TLL1: variants seen among roughly 807,000 people sequenced by gnomAD.
TLL1 encodes the protein tolloid like 1.
In TLL1, 49 loss-of-function variants were observed where a neutral mutation model predicts 128.2. That is an observed-to-expected ratio of 0.38 (90% confidence interval 0.30 to 0.48). TLL1 has a LOEUF of 0.48. Ranked by LOEUF, TLL1 falls within the 20% of genes least tolerant of loss-of-function variation. TLL1 has a pLI of 0.96. For missense variants in TLL1, 1,123 were observed against 1,242.0 expected, an observed-to-expected ratio of 0.90 and a Z score of 1.44; for synonymous variants, 454 against 418.8, an observed-to-expected ratio of 1.08 and a Z score of -1.03.
chr4:165,939,909 T>A (rs1388651683), intron 1 of TLL1, among the ~76,000 whole-genome samples: 1 of 152,046 alleles, frequency 6.6e-6, no homozygotes, highest in East Asian at 1.9e-4. Flanking sequence ...TTTGTAGCAT[T>A]CGACACACGT....
chr4:166,052,965 G>GTGTGTATATATATATATATA lies in TLL1; in HGVS notation c.1525-2110_1525-2109insGTGTATATATATATATATAT. 1.5e-4 allele frequency among the ~76,000 whole-genome samples: 15 copies of GTGTGTATATATATATATATA among 99,646 alleles called. 1 individual carries two copies. Among genetic ancestry groups the GTGTGTATATATATATATATA allele is most frequent in the East Asian group, 3.1e-4 (1 of 3,196 alleles). 65.4% of individuals were successfully genotyped at this position (99,646 alleles called of 152,430 possible). A position where few individuals can be genotyped will look rare whatever the true frequency, so the allele number is the denominator to read the frequency against. On this transcript the variant is annotated intron_variant, in intron 12 of 20. Transcript: ENST00000061240. ...TAAAGACTGAGATAAGAGGTTATGT[G>GTGTGTATATATATATATATA]TATATATATATATATATTTGGCCAA...
intron 5 of TLL1, among the ~76,000 whole-genome samples, chr4:165,997,527 G>C (rs577678810): frequency 6.6e-6 from 1 of 152,192 alleles, no homozygotes; most frequent in African/African-American, 2.4e-5. Context: ...GGTAACTCTT[G>C]CGATTTTTTA....
At chr4:166,064,388 C>T (rs1444167201) in intron 15 of TLL1, among the ~76,000 whole-genome samples, 1 of 152,002 alleles carries the variant, frequency 6.6e-6, no homozygotes, top group Non-Finnish European at 1.5e-5. Context: ...GGTCTGCATT[C>T]AGGAGAAAGC....
chr4:166,011,810 C>T (rs996468776), intron 7 of TLL1, among the ~76,000 whole-genome samples: 1 of 151,342 alleles, frequency 6.6e-6, no homozygotes, highest in African/African-American at 2.4e-5. Flanking sequence ...TAGCTTCCTC[C>T]TATTCCTAGA....
At chr4:165,884,346 C>G (rs1387025887) in intron 1 of TLL1, among the ~76,000 whole-genome samples, 1 of 152,112 alleles carries the variant, frequency 6.6e-6, no homozygotes, top group African/African-American at 2.4e-5. Flanking sequence ...TTTTTCTTTA[C>G]TCAAGATAAA....
chr4:166,096,209 G>GT (rs1742009930), intron 19 of TLL1, among the ~76,000 whole-genome samples: 1 of 133,306 alleles, frequency 7.5e-6, no homozygotes, highest in Non-Finnish European at 1.6e-5. Flanking sequence ...ATTCTGTCAT[G>GT]GGTGTGTGTG....
At chr4:166,065,992 C>A in intron 16 of TLL1, 129 bp downstream of exon 16, 1 of 181,172 alleles carries the variant, frequency 5.5e-6, no homozygotes. Flanking sequence ...TTACAAACAA[C>A]ACAAAAATAA....
At chr4:166,044,134 A>G (rs1739358283) in intron 12 of TLL1, among the ~76,000 whole-genome samples, 1 of 152,146 alleles carries the variant, frequency 6.6e-6, no homozygotes, top group African/African-American at 2.4e-5. Flanking sequence ...AGTAATTGAG[A>G]GCCCAAGCTG....
Position 166,099,465 on chromosome 4 carries a change from G to T in TLL1, c.2845G>T (p.Val949Leu). 6.2e-7 allele frequency: 1 copy of T among 1,613,462 alleles called. No homozygotes were observed. The highest frequency in any genetic ancestry group is 8.5e-7 in the Non-Finnish European group (1 of 1,179,624). ...EEEADCGYDY[V>L]ELFDGLDSTA... is the part of the protein sequence containing the mutation. ...AGAAGCAGACTGTGGCTATGACTATGTGGAGCTCTTTGATGGTCTTGATTC... is the reference window on the plus strand; with the variant it reads ...AGAAGCAGACTGTGGCTATGACTATTTGGAGCTCTTTGATGGTCTTGATTC... Residue 949 changes from valine (V) to leucine (L), a missense_variant, in exon 20 of 21, where the codon GTG becomes TTG. Around this residue, in one of 3 missense-constraint regions of TLL1, gnomAD observed 634 missense variants for 672.4 expected, o/e 0.94. Coordinates refer to ENST00000061240, the MANE Select transcript of TLL1 (RefSeq NM_012464.5).
intron 1 of TLL1, among the ~76,000 whole-genome samples, chr4:165,979,853 TG>T (rs1736068686): frequency 6.6e-6 from 1 of 152,176 alleles, no homozygotes; most frequent in African/African-American, 2.4e-5. Context: ...TTCAGATTTT[TG>T]CAAAACTCCG....
intron 5 of TLL1, among the ~76,000 whole-genome samples, chr4:166,001,239 C>T (rs1161776724): frequency 6.6e-6 from 1 of 152,084 alleles, no homozygotes; most frequent in Non-Finnish European, 1.5e-5. Context: ...CAAAGCCGAC[C>T]ATTTAGTGCC....
chr4:165,951,416 C>T (rs1734510545), intron 1 of TLL1, among the ~76,000 whole-genome samples: 1 of 152,046 alleles, frequency 6.6e-6, no homozygotes, highest in East Asian at 1.9e-4. Context: ...TGGAATGGAA[C>T]CCCTAACAAA....
rs138639828 is a variant in TLL1 at position 166,058,761 on chromosome 4, A to T, written c.1847-1267A>T. ...TTTATATTTATGTATTTATTGGTTT[A>T]CTGTGATGTCTCCCATCAAAATGTT... On this transcript the variant is annotated intron_variant, in intron 14 of 20. Transcript: ENST00000061240. Among the ~76,000 whole-genome samples, 799 of 152,268 alleles carry T rather than the reference A, an allele frequency of 5.2e-3. 14 individuals are homozygous for T. The East Asian group carries it at 0.059, about 11-fold the overall frequency.
chr4:165,929,531 C>A (rs1733423389), intron 1 of TLL1, among the ~76,000 whole-genome samples: 1 of 123,462 alleles, frequency 8.1e-6, no homozygotes, highest in Admixed American at 8.1e-5. Context: ...AAGCAAGACT[C>A]CATCTCAAAA....
chr4:165,887,579 G>C (rs1331637636), intron 1 of TLL1, among the ~76,000 whole-genome samples: 2 of 152,132 alleles, frequency 1.3e-5, no homozygotes, highest in Non-Finnish European at 2.9e-5. Context: ...AGAACCCTTT[G>C]ACTTGCATAC....
chr4:165,971,497 A>AT (rs1484434662), intron 1 of TLL1, among the ~76,000 whole-genome samples: 2 of 152,198 alleles, frequency 1.3e-5, no homozygotes, highest in African/African-American at 4.8e-5. Context: ...TTGCCTGCTG[A>AT]TTTTTTTGCA....
chr4:165,883,963 C>T (rs935402069), intron 1 of TLL1, among the ~76,000 whole-genome samples: 2 of 152,110 alleles, frequency 1.3e-5, no homozygotes, highest in African/African-American at 2.4e-5. Context: ...TATAGTCTTT[C>T]GGTAATTTCT....
rs1382658846 is a variant in TLL1 at position 166,051,884 on chromosome 4, T to C, written c.1525-3192T>C. On this transcript the variant is annotated intron_variant, in intron 12 of 20. Transcript: ENST00000061240. ...GTACATATTTAATATGTAAATAATA[T>C]GTAATGCATAAATATGTACTAGTGA... 4.6e-5 allele frequency among the ~76,000 whole-genome samples: 7 copies of C among 152,232 alleles called. No homozygotes were observed. In the East Asian group the frequency reaches 1.3e-3, roughly 29 times the overall value.
intron 16 of TLL1, among the ~76,000 whole-genome samples, chr4:166,072,821 A>G (rs1740851270): frequency 6.6e-6 from 1 of 152,060 alleles, no homozygotes; most frequent in African/African-American, 2.4e-5. Flanking sequence ...ATAGGTACCA[A>G]TAAAAGGGTG....
Sources: gnomAD v4.1 joint callset for allele counts (sites outside exome capture counted in the v4.1 genomes callset) on GRCh38, gnomAD v4.1.1 for gene constraint, gnomAD v4.1.1 regional missense constraint, MANE v1.5 for transcripts, NCBI Gene and HGNC (gene_info 2026-07-23, HGNC 2026-07-21) for gene names.